Variants in ANP32B observed in about 807,000 individuals in gnomAD.
ANP32B encodes the protein acidic nuclear phosphoprotein 32 family member B, also known as acidic leucine-rich nuclear phosphoprotein 32 family member B.
ANP32B carries 6 observed loss-of-function variants against 32.2 expected under a neutral mutation model. The observed-to-expected ratio is 0.19, with a 90% confidence interval of 0.10 to 0.37. The LOEUF is 0.37. Ranked by LOEUF, ANP32B falls within the 10% of genes least tolerant of loss-of-function variation. The pLI, the probability that ANP32B is intolerant of heterozygous loss-of-function variation, is 1.00. For missense variants in ANP32B, 204 were observed against 289.2 expected (o/e 0.71, Z 2.14); for synonymous variants, 98 against 105.8 (o/e 0.93, Z 0.45).
intron 3 of ANP32B, among the ~76,000 whole-genome samples, chr9:98,003,608 A>G (rs931283495): frequency 6.6e-6 from 1 of 152,220 alleles, no homozygotes; most frequent in Non-Finnish European, 1.5e-5. Context: ...ATATCTCCTC[A>G]GAACTACATA....
intron 4 of ANP32B, among the ~76,000 whole-genome samples, chr9:98,008,123 C>T (rs1828118372): frequency 6.6e-6 from 1 of 152,112 alleles, no homozygotes. Context: ...TTTCCTGATG[C>T]TCTCCGTCCC....
At chr9:97,983,734 G>A (rs1437631911) in intron 1 of ANP32B, 125 bp downstream of exon 1, 1 of 688,454 alleles carries the variant, frequency 1.5e-6, no homozygotes, top group Non-Finnish European at 2.1e-6. Context: ...CGTGGGCTCG[G>A]ACGGGGAAGG....
intron 4 of ANP32B, among the ~76,000 whole-genome samples, chr9:98,009,679 G>A (rs1162957385): frequency 6.6e-6 from 1 of 152,260 alleles, no homozygotes; most frequent in Admixed American, 6.5e-5. Context: ...TGCGGCCCAG[G>A]CCACAGACCA....
At chr9:98,000,144 A>G (rs1827965425) in intron 3 of ANP32B, among the ~76,000 whole-genome samples, 1 of 152,150 alleles carries the variant, frequency 6.6e-6, no homozygotes, top group South Asian at 2.1e-4. Context: ...CTCTTTGTGC[A>G]TGTGTATATG....
At chr9:97,984,093 C>T (rs1289445073) in intron 1 of ANP32B, among the ~76,000 whole-genome samples, 1 of 149,870 alleles carries the variant, frequency 6.7e-6, no homozygotes, top group East Asian at 2.0e-4. Context: ...GACGGGGGCT[C>T]TTGTGGCCGG....
At chr9:97,989,965 A>G (rs1827796512) in intron 1 of ANP32B, among the ~76,000 whole-genome samples, 1 of 152,244 alleles carries the variant, frequency 6.6e-6, no homozygotes, top group Non-Finnish European at 1.5e-5. Context: ...CTTTGGAGTG[A>G]GTCTGTTCCC....
At chr9:97,994,571 A>G in intron 1 of ANP32B, 60 bp from the exon 2 acceptor site, 1 of 1,541,608 alleles carries the variant, frequency 6.5e-7, no homozygotes, top group Non-Finnish European at 8.8e-7. Flanking sequence ...AAGTTTCTGC[A>G]TTGTTGTTTG....
At chr9:97,986,114 C>CA (rs1295108028) in intron 1 of ANP32B, among the ~76,000 whole-genome samples, 1 of 152,260 alleles carries the variant, frequency 6.6e-6, no homozygotes, top group Non-Finnish European at 1.5e-5. Context: ...AGCCACCGCC[C>CA]CCGGCCACCA....
Position 98,011,387 on chromosome 9 carries a change from G to C in ANP32B, c.634G>C (p.Glu212Gln). 1 of 1,587,934 alleles carries C rather than the reference G, an allele frequency of 6.3e-7. No homozygotes were observed. Among genetic ancestry groups the C allele is most frequent in the Non-Finnish European group, 8.6e-7 (1 of 1,163,744 alleles). The change falls in exon 5 of 7, where the codon GAG (glutamate) becomes CAG (glutamine). Residue 212 changes from glutamate to glutamine, a missense_variant and splice_region_variant. Coordinates refer to ENST00000339399, the MANE Select transcript of ANP32B (RefSeq NM_006401.3). The part of the protein sequence containing the change: ...GDEDDDEVSE[E>Q]EEEFGLDEED... ...TGAGGACGACGATGAAGTCAGTGAGGAGGTCAGTGCAGCTGTTTTCTACCC... is the reference window on the plus strand; with the variant it reads ...TGAGGACGACGATGAAGTCAGTGAGCAGGTCAGTGCAGCTGTTTTCTACCC...
At position 98,012,524 on chromosome 9, in the gene ANP32B, A is replaced by G. The variant is rs530840767; in HGVS notation, c.688+52A>G. The G allele has an allele frequency of 3.7e-6, 6 of 1,604,386 alleles. No individual in the cohort carries two copies. The African/African-American group carries it at 4.0e-5, about 11-fold the overall frequency. On this transcript the variant is annotated intron_variant, in intron 6 of 6. Coordinates refer to ENST00000339399, the MANE Select transcript of ANP32B (RefSeq NM_006401.3). The stretch of plus-strand genomic sequence containing the variant: ...ATTCTCAGTTAAAAATTAGAGAAAA[A>G]CATCCATTATTTAGAATATGATACC...
chr9:98,001,541 G>T (rs1827992877), intron 3 of ANP32B, among the ~76,000 whole-genome samples: 1 of 152,126 alleles, frequency 6.6e-6, no homozygotes, highest in Non-Finnish European at 1.5e-5. Context: ...CCTTTTCACT[G>T]TTGGCCAGTT....
At chr9:97,994,600 G>T in intron 1 of ANP32B, 31 bp from the exon 2 acceptor site, 3 of 1,552,460 alleles carry the variant, frequency 1.9e-6, no homozygotes, top group South Asian at 1.2e-5. Context: ...GTGTTTTTGA[G>T]AGCTTATCCT....
chr9:98,004,983 A>G lies in ANP32B; in HGVS notation c.347A>G (p.Lys116Arg). 1.2e-6 allele frequency: 2 copies of G among 1,602,938 alleles called. No individual in the cohort carries two copies. The highest frequency in any genetic ancestry group is 1.7e-6 in the Non-Finnish European group (2 of 1,176,950). ...CTTCAGAAAAAGTTAGAATGTCTGAAAAGCCTGGACCTCTTTAACTGTGAG... is the reference window on the plus strand; with the variant it reads ...CTTCAGAAAAAGTTAGAATGTCTGAGAAGCCTGGACCTCTTTAACTGTGAG... The part of the protein sequence containing the change: ...LEPLKKLECL[K>R]SLDLFNCEVT... Residue 116 changes from lysine (K) to arginine (R), a missense_variant, in exon 4 of 7, where the codon AAA (lysine) becomes AGA (arginine). Physicochemically the swap from Lys to Arg is conservative, Grantham distance 26. Coordinates refer to ENST00000339399, the MANE Select transcript of ANP32B (RefSeq NM_006401.3).
At chr9:97,997,847 G>A (rs1827930175) in intron 2 of ANP32B, among the ~76,000 whole-genome samples, 1 of 152,152 alleles carries the variant, frequency 6.6e-6, no homozygotes, top group Non-Finnish European at 1.5e-5. Context: ...AATATTCCTT[G>A]GTGAAGGCTC....
intron 6 of ANP32B, among the ~76,000 whole-genome samples, chr9:98,014,733 C>T (rs986970162): frequency 5.3e-5 from 8 of 152,152 alleles, no homozygotes; most frequent in Non-Finnish European, 7.3e-5. Context: ...GTCTTGAAGA[C>T]GTGCTAGATA....
intron 2 of ANP32B, among the ~76,000 whole-genome samples, 163 bp from the exon 3 acceptor site, chr9:97,998,393 T>C (rs1827937907): frequency 6.6e-6 from 1 of 152,208 alleles, no homozygotes; most frequent in South Asian, 2.1e-4. Context: ...CTCCTGTTAA[T>C]TATTTGGATT....
intron 1 of ANP32B, 136 bp downstream of exon 1, chr9:97,983,745 C>G (rs1827640584): frequency 1.7e-6 from 1 of 601,320 alleles, no homozygotes; most frequent in Non-Finnish European, 2.5e-6. Flanking sequence ...ACGGGGAAGG[C>G]GGGCGGGCGC....
Position 98,011,428 on chromosome 9 carries a change from A to T in ANP32B, c.636+39A>T, listed in dbSNP as rs1828184049. The T allele has an allele frequency of 2.6e-6, 4 of 1,561,090 alleles. No individual in the cohort carries two copies. In the African/African-American group the frequency reaches 4.1e-5, roughly 16 times the overall value. Reference sequence around the variant, plus strand: ...TTTTCTACCCTGCTTCCTATTTGTAATTACAACAAAAGTGGGGGTTTCAAA... The same window carrying T: ...TTTTCTACCCTGCTTCCTATTTGTATTTACAACAAAAGTGGGGGTTTCAAA... On this transcript the variant is annotated intron_variant, in intron 5 of 6. Coordinates refer to ENST00000339399, the MANE Select transcript of ANP32B (RefSeq NM_006401.3).
intron 4 of ANP32B, among the ~76,000 whole-genome samples, chr9:98,007,660 CT>C (rs1240012767): frequency 2.0e-5 from 3 of 152,184 alleles, no homozygotes; most frequent in Non-Finnish European, 2.9e-5. Flanking sequence ...GGCTGGACGG[CT>C]TTCTGGTTTC....
Sources: allele counts gnomAD v4.1 joint callset (sites outside exome capture counted in the v4.1 genomes callset), GRCh38; gene constraint gnomAD v4.1.1; transcripts MANE v1.5; gene names NCBI Gene and HGNC (gene_info 2026-07-23, HGNC 2026-07-21).